SAMD12: variants seen among roughly 807,000 people sequenced by gnomAD.
The protein encoded by SAMD12 is sterile alpha motif domain-containing protein 12.
Under a neutral mutation model 15.0 loss-of-function variants are expected in SAMD12, and 9 were observed. That is an observed-to-expected ratio of 0.60 (90% CI 0.36 to 1.05). The LOEUF (loss-of-function observed/expected upper bound fraction) is 1.05. Among genes scored for constraint, SAMD12 ranks in the 50% least tolerant of loss-of-function variants. SAMD12 has a pLI of 0.01. For synonymous variants in SAMD12, 86 were observed against 90.1 expected (o/e 0.96, Z 0.25); for missense variants, 230 against 234.2 (o/e 0.98, Z 0.12).
At chr8:118,317,135 G>T (rs1416930308) in intron 4 of SAMD12, among the ~76,000 whole-genome samples, 2 of 152,106 alleles carry the variant, frequency 1.3e-5, no homozygotes, top group African/African-American at 2.4e-5. Flanking sequence ...GAGGCCTAAG[G>T]AGAGACCACC....
the SAMD12 span, among the ~76,000 whole-genome samples, chr8:118,158,747 C>T: frequency 9.9e-5 from 15 of 152,206 alleles, no homozygotes; most frequent in East Asian, 2.5e-3. Context: ...TCCTCCCCTC[C>T]GGAGCCCATA....
chr8:118,408,549 T>C (rs1291800886), intron 3 of SAMD12, among the ~76,000 whole-genome samples: 1 of 152,222 alleles, frequency 6.6e-6, no homozygotes, highest in Non-Finnish European at 1.5e-5. Context: ...GTCTGCTATC[T>C]TGGTTCTTCC....
At chr8:118,489,509 A>C (rs1018758865) in intron 2 of SAMD12, among the ~76,000 whole-genome samples, 3 of 152,124 alleles carry the variant, frequency 2.0e-5, no homozygotes, top group African/African-American at 7.2e-5. Flanking sequence ...GCCTCCTCCT[A>C]AGTTTCCTCT....
chr8:118,415,388 C>T (rs2130825568), intron 3 of SAMD12, among the ~76,000 whole-genome samples: 1 of 151,870 alleles, frequency 6.6e-6, no homozygotes, highest in East Asian at 1.9e-4. Context: ...GGACTTACCT[C>T]CTTCAACCAA....
At chr8:118,275,053 C>T (rs1262973672) in intron 4 of SAMD12, among the ~76,000 whole-genome samples, 2 of 152,044 alleles carry the variant, frequency 1.3e-5, no homozygotes, top group Non-Finnish European at 2.9e-5. Flanking sequence ...TTTGAAGGGG[C>T]TTTTAAAAAT....
chr8:118,536,114 T>C (rs1425519440), intron 2 of SAMD12, among the ~76,000 whole-genome samples: 17 of 152,132 alleles, frequency 1.1e-4, no homozygotes, highest in Admixed American at 1.1e-3. Flanking sequence ...AGTTAATTTC[T>C]AAGTTCTACT....
chr8:118,391,017 A>G (rs149133388), intron 3 of SAMD12, among the ~76,000 whole-genome samples: 1 of 152,292 alleles, frequency 6.6e-6, no homozygotes, highest in African/African-American at 2.4e-5. Flanking sequence ...AGAAAATGTG[A>G]CCCTGCATTG....
chr8:118,171,067 TA>T, the SAMD12 span, among the ~76,000 whole-genome samples: 1 of 152,326 alleles, frequency 6.6e-6, no homozygotes, highest in Middle Eastern at 3.4e-3. Context: ...TAAGTACATA[TA>T]AAAATGCTCA....
intron 2 of SAMD12, among the ~76,000 whole-genome samples, chr8:118,446,673 T>C (rs537307623): frequency 3.9e-5 from 6 of 152,354 alleles, no homozygotes; most frequent in African/African-American, 1.2e-4. Flanking sequence ...TACTTTCATA[T>C]GGAAGTCAAA....
chr8:118,344,159 A>G (rs115681652), intron 4 of SAMD12, among the ~76,000 whole-genome samples: 1 of 152,088 alleles, frequency 6.6e-6, no homozygotes, highest in African/African-American at 2.4e-5. Context: ...CTTTACATTC[A>G]TTGTTGACTT....
At chr8:118,597,762 C>T (rs1456776730) in intron 1 of SAMD12, among the ~76,000 whole-genome samples, 1 of 152,202 alleles carries the variant, frequency 6.6e-6, no homozygotes. Context: ...TCAGTGAAGA[C>T]ATTTAAGTTG....
chr8:118,231,408 A>G (rs542630824), intron 4 of SAMD12, among the ~76,000 whole-genome samples: 2 of 152,258 alleles, frequency 1.3e-5, no homozygotes, highest in African/African-American at 4.8e-5. Flanking sequence ...ATTTCCAATA[A>G]TTCATTCATT....
chr8:118,518,448 C>T (rs1412932231), intron 2 of SAMD12, among the ~76,000 whole-genome samples: 2 of 152,122 alleles, frequency 1.3e-5, no homozygotes, highest in Non-Finnish European at 1.5e-5. Context: ...TGAATAATAA[C>T]CTCTTTTATC....
the SAMD12 span, among the ~76,000 whole-genome samples, chr8:118,180,769 C>T: frequency 5.6e-3 from 848 of 152,204 alleles, 6 homozygotes; most frequent in Middle Eastern, 0.01. Flanking sequence ...GTCAAGTTGC[C>T]CAGACTTGCT....
chr8:118,213,910 C>T (rs936457270), intron 4 of SAMD12, among the ~76,000 whole-genome samples: 1 of 152,110 alleles, frequency 6.6e-6, no homozygotes, highest in Non-Finnish European at 1.5e-5. Flanking sequence ...AGGAAAGCTA[C>T]AGAATTAAAA....
chr8:118,314,338 T>A (rs558626907), intron 4 of SAMD12, among the ~76,000 whole-genome samples: 1 of 152,184 alleles, frequency 6.6e-6, no homozygotes, highest in Non-Finnish European at 1.5e-5. Flanking sequence ...TTCAGATAAG[T>A]GTACAGGGAG....
At chr8:118,409,211 G>A (rs1821280339) in intron 3 of SAMD12, among the ~76,000 whole-genome samples, 1 of 152,126 alleles carries the variant, frequency 6.6e-6, no homozygotes, top group South Asian at 2.1e-4. Context: ...TTAGCCTCCA[G>A]TGGGAATGCA....
chr8:118,590,053 C>T (rs1360950988), intron 1 of SAMD12, among the ~76,000 whole-genome samples: 1 of 152,140 alleles, frequency 6.6e-6, no homozygotes, highest in African/African-American at 2.4e-5. Flanking sequence ...TCTCAGCTTC[C>T]TTTTGCCTCG....
chr8:118,437,937 T>G (rs909732577), intron 3 of SAMD12, among the ~76,000 whole-genome samples: 11 of 152,148 alleles, frequency 7.2e-5, no homozygotes, highest in Non-Finnish European at 1.6e-4. Flanking sequence ...TAACACTGCT[T>G]TCAAATAAGA....
Sources: gnomAD v4.1 joint callset for allele counts (sites outside exome capture counted in the v4.1 genomes callset) on GRCh38, gnomAD v4.1.1 for gene constraint, MANE v1.5 for transcripts, NCBI Gene and HGNC (gene_info 2026-07-23, HGNC 2026-07-21) for gene names.